KLHL25: variants seen among roughly 807,000 people sequenced by gnomAD.
KLHL25 encodes kelch-like protein 25.
Under a neutral mutation model 30.0 loss-of-function variants are expected in KLHL25, and 41 were observed. The ratio of observed to expected loss-of-function variants is 1.37; its 90% CI spans 1.07 to 1.78. KLHL25 has a LOEUF of 1.78. Among genes scored for constraint, KLHL25 ranks in the 40% most tolerant of loss-of-function variants. The pLI is 0.00. For missense variants in KLHL25, 971 were observed against 824.5 expected (o/e 1.18, Z -2.18); for synonymous variants, 399 against 355.3 (o/e 1.12, Z -1.38).
At chr15:85,777,238 A>T (rs2089715616) in intron 1 of KLHL25, among the ~76,000 whole-genome samples, 1 of 152,202 alleles carries the variant, frequency 6.6e-6, no homozygotes, top group Admixed American at 6.5e-5. Flanking sequence ...CCCTGCATCA[A>T]ATAGCTCCCA....
chr15:85,787,412 C>G (rs1437846007), intron 1 of KLHL25, among the ~76,000 whole-genome samples: 1 of 152,108 alleles, frequency 6.6e-6, no homozygotes, highest in Non-Finnish European at 1.5e-5. Context: ...TGCCATTGCA[C>G]TCCAGCCTGG....
intron 1 of KLHL25, among the ~76,000 whole-genome samples, chr15:85,783,876 T>G (rs2089761594): frequency 6.6e-6 from 1 of 152,162 alleles, no homozygotes; most frequent in Non-Finnish European, 1.5e-5. Flanking sequence ...CATTGCTACC[T>G]GTAAAACTGG....
chr15:85,765,515 A>C (rs1043035463), intron 2 of KLHL25, among the ~76,000 whole-genome samples: 46 of 151,840 alleles, frequency 3.0e-4, no homozygotes, highest in African/African-American at 1.1e-3. Context: ...AATCCCAGCT[A>C]CTCAGGAGGC....
chr15:85,788,850 G>A (rs1240518395), intron 1 of KLHL25, among the ~76,000 whole-genome samples: 1 of 152,204 alleles, frequency 6.6e-6, no homozygotes, highest in African/African-American at 2.4e-5. Context: ...GGGACTTGCT[G>A]CCAAGGTCTC....
intron 1 of KLHL25, among the ~76,000 whole-genome samples, chr15:85,774,544 G>T (rs2089697422): frequency 6.6e-6 from 1 of 152,172 alleles, no homozygotes; most frequent in Non-Finnish European, 1.5e-5. Context: ...AAAGCGAAAG[G>T]CCTATCCTGA....
chr15:85,769,150 C>A lies in KLHL25; in HGVS notation c.661G>T (p.Asp221Tyr), dbSNP rs752358928. The A allele has an allele frequency of 1.9e-6, 3 of 1,611,940 alleles. No homozygotes were observed. In the African/African-American group the frequency reaches 4.0e-5, roughly 22 times the overall value. The change falls in exon 2 of 3, where the codon GAC (aspartate) becomes TAC (tyrosine). Residue 221 changes from aspartate (D) to tyrosine (Y), a missense_variant. By Grantham distance (160) the Asp-to-Tyr change is radical. Coordinates refer to ENST00000337975, the MANE Select transcript of KLHL25 (RefSeq NM_022480.4). ...AAGTGGACCTTCCGTGGCTCCAGGTCGTGCTTCACCCACTGGAGGATGGCC... is the reference window on the plus strand; with the variant it reads ...AAGTGGACCTTCCGTGGCTCCAGGTAGTGCTTCACCCACTGGAGGATGGCC... ...FEAILQWVKHDLEPRKVHLPE... is the reference protein window; with the variant it reads ...FEAILQWVKHYLEPRKVHLPE...
intron 1 of KLHL25, among the ~76,000 whole-genome samples, chr15:85,792,629 G>C (rs1307429746): frequency 6.6e-6 from 1 of 152,190 alleles, no homozygotes; most frequent in South Asian, 2.1e-4. Flanking sequence ...CTACGGACGA[G>C]AGCAAACCTT....
Position 85,759,949 on chromosome 15 carries a change from C to G in KLHL25, c.*1087G>C, listed in dbSNP as rs11556865. 0.2 allele frequency: 30,043 copies of G among 152,134 alleles called. 3,975 individuals carry two copies. The highest frequency in any genetic ancestry group is 0.4 in the Middle Eastern group (117 of 292). The allele number at this position is 152,134 out of a possible 1,614,324, so 9.4% of individuals were successfully genotyped here. A position where few individuals can be genotyped will look rare whatever the true frequency, so the allele number is the denominator to read the frequency against. ...TGTCAGGGAGGTGCTGGTGAGGGAC[C>G]CCAGTGACTCAGGAGGTGACAGCAA... On this transcript the variant is annotated 3_prime_UTR_variant, in exon 3 of 3. Transcript: ENST00000337975.
At chr15:85,772,828 A>G (rs1214332412) in intron 1 of KLHL25, among the ~76,000 whole-genome samples, 3 of 152,230 alleles carry the variant, frequency 2.0e-5, no homozygotes, top group African/African-American at 7.2e-5. Context: ...CGGCACCAAG[A>G]ATGCCTGCCT....
intron 1 of KLHL25, among the ~76,000 whole-genome samples, chr15:85,785,087 C>CTTTTTTTTTTTTTTTTTTTTTT (rs754310721): frequency 1.4e-5 from 2 of 139,082 alleles, no homozygotes; most frequent in Non-Finnish European, 1.6e-5. Context: ...TGATGTATTT[C>CTTTTTTTTTTTTTTTTTTTTTT]TTTTTTCTTT....
intron 1 of KLHL25, among the ~76,000 whole-genome samples, chr15:85,792,832 T>G (rs560061583): frequency 1.4e-4 from 22 of 152,252 alleles, no homozygotes; most frequent in African/African-American, 4.8e-4. Context: ...CTTGCCCACC[T>G]GTGTCTCCTT....
intron 1 of KLHL25, among the ~76,000 whole-genome samples, chr15:85,778,370 A>G (rs1319254090): frequency 1.3e-5 from 2 of 152,206 alleles, no homozygotes; most frequent in African/African-American, 2.4e-5. Context: ...TAAAAAATTT[A>G]CCGATAAGAA....
At chr15:85,779,329 C>T (rs1179688361) in intron 1 of KLHL25, among the ~76,000 whole-genome samples, 1 of 152,182 alleles carries the variant, frequency 6.6e-6, no homozygotes, top group East Asian at 1.9e-4. Flanking sequence ...GACACTAATG[C>T]CCTAGAACCA....
Position 85,769,729 on chromosome 15 carries a change from G to C in KLHL25, c.82C>G (p.His28Asp), listed in dbSNP as rs756417766. 1 of 1,613,902 alleles carries C rather than the reference G, an allele frequency of 6.2e-7. No homozygotes were observed. Among genetic ancestry groups the C allele is most frequent in the South Asian group, 1.1e-5 (1 of 91,090 alleles). ...MNVTLFHKASHPDCVLAHLNT... is the reference protein window; with the variant it reads ...MNVTLFHKASDPDCVLAHLNT... ...AGGTGGGCCAGCACACAGTCCGGGT[G>C]GGAGGCCTTGTGGAAGAGGGTGACG... The change falls in exon 2 of 3, where the codon CAC (histidine) becomes GAC (aspartate). Residue 28 changes from histidine (H) to aspartate (D), a missense_variant. Transcript: ENST00000337975.
chr15:85,787,184 C>T (rs371992884), intron 1 of KLHL25, among the ~76,000 whole-genome samples: 8 of 145,382 alleles, frequency 5.5e-5, no homozygotes, highest in African/African-American at 1.8e-4. Flanking sequence ...CAGTGGCTCA[C>T]GCCTGTAATC....
intron 2 of KLHL25, among the ~76,000 whole-genome samples, chr15:85,766,610 ACT>A (rs2089627709): frequency 6.6e-6 from 1 of 151,252 alleles, no homozygotes; most frequent in African/African-American, 2.5e-5. Context: ...CCTTCCCTTC[ACT>A]GCAGGGTCTG....
intron 1 of KLHL25, among the ~76,000 whole-genome samples, chr15:85,777,024 T>C (rs986371189): frequency 3.3e-5 from 5 of 152,226 alleles, no homozygotes; most frequent in Non-Finnish European, 5.9e-5. Context: ...GGTGGACAGT[T>C]TGCTGGGCAG....
At chr15:85,788,533 C>G (rs540880406) in intron 1 of KLHL25, among the ~76,000 whole-genome samples, 220 of 152,272 alleles carry the variant, frequency 1.4e-3, no homozygotes, top group African/African-American at 4.8e-3. Context: ...AAAAAATTCC[C>G]TGGACACATT....
intron 1 of KLHL25, among the ~76,000 whole-genome samples, 196 bp downstream of exon 1, chr15:85,794,570 G>C (rs970863425): frequency 8.5e-5 from 13 of 152,244 alleles, no homozygotes; most frequent in African/African-American, 2.9e-4. Flanking sequence ...GCGGGGTGCC[G>C]GCCGGCCGCC....
Sources: gnomAD v4.1 joint callset for allele counts (sites outside exome capture counted in the v4.1 genomes callset) on GRCh38, gnomAD v4.1.1 for gene constraint, MANE v1.5 for transcripts, NCBI Gene and HGNC (gene_info 2026-07-23, HGNC 2026-07-21) for gene names.